Variants in CDH20 observed in about 807,000 individuals in gnomAD.
CDH20 encodes cadherin 20, also known as cadherin-20.
Under a neutral mutation model 74.2 loss-of-function variants are expected in CDH20, and 29 were observed. The ratio of observed to expected loss-of-function variants is 0.39; its 90% confidence interval spans 0.29 to 0.53. CDH20 has a LOEUF of 0.53. Ranked by LOEUF, CDH20 falls within the 20% of genes least tolerant of loss-of-function variation. The probability of loss-of-function intolerance (pLI) is 0.69; values close to 1 mark genes in which losing one functional copy is unlikely to be tolerated. For synonymous variants in CDH20, 469 were observed against 405.4 expected (o/e 1.16, Z -1.88); for missense variants, 988 against 1,048.3 (o/e 0.94, Z 0.79).
chr18:61,482,209 A>T (rs573407711), intron 1 of CDH20, among the ~76,000 whole-genome samples: 1 of 152,276 alleles, frequency 6.6e-6, no homozygotes, highest in African/African-American at 2.4e-5. Flanking sequence ...GTGTGGACGA[A>T]AAAGAGAAAG....
intron 1 of CDH20, among the ~76,000 whole-genome samples, chr18:61,455,895 A>G (rs1275374180): frequency 6.6e-6 from 1 of 152,234 alleles, no homozygotes; most frequent in Non-Finnish European, 1.5e-5. Context: ...AATATTTGTT[A>G]TCTAAATTGT....
chr18:61,526,612 A>G (rs1006779187), intron 6 of CDH20, among the ~76,000 whole-genome samples: 1 of 152,208 alleles, frequency 6.6e-6, no homozygotes, highest in Non-Finnish European at 1.5e-5. Context: ...ACACATGTTC[A>G]TCAGCTTTAA....
intron 1 of CDH20, among the ~76,000 whole-genome samples, chr18:61,396,393 C>T (rs996560617): frequency 6.6e-6 from 1 of 151,852 alleles, no homozygotes; most frequent in African/African-American, 2.4e-5. Flanking sequence ...TGGGTACCTT[C>T]ACCTGTTCAT....
chr18:61,440,736 C>G (rs1909001327), intron 1 of CDH20, among the ~76,000 whole-genome samples: 1 of 152,140 alleles, frequency 6.6e-6, no homozygotes, highest in Non-Finnish European at 1.5e-5. Flanking sequence ...CATGGTCTCT[C>G]CCCTTCAACA....
At chr18:61,394,887 C>A (rs370315817) in intron 1 of CDH20, among the ~76,000 whole-genome samples, 3 of 151,816 alleles carry the variant, frequency 2.0e-5, no homozygotes, top group African/African-American at 4.8e-5. Flanking sequence ...TCCTGCTTGG[C>A]CTTGGGGTAT....
intron 6 of CDH20, among the ~76,000 whole-genome samples, chr18:61,518,846 C>T (rs944006489): frequency 6.6e-6 from 1 of 151,244 alleles, no homozygotes; most frequent in African/African-American, 2.5e-5. Flanking sequence ...CATGTTCTAA[C>T]ACAATGCAAG....
At chr18:61,403,856 T>G (rs1040956329) in intron 1 of CDH20, among the ~76,000 whole-genome samples, 4 of 152,188 alleles carry the variant, frequency 2.6e-5, no homozygotes, top group African/African-American at 4.8e-5. Context: ...AATGACAGAC[T>G]GGATAAAGAA....
Position 61,432,337 on chromosome 18 carries a change from T to A in CDH20, c.-152-58065T>A, listed in dbSNP as rs1338659213. On this transcript the variant is annotated intron_variant, in intron 1 of 11. Coordinates refer to ENST00000262717, the MANE Select transcript of CDH20 (RefSeq NM_031891.4). ...TGACCAGCATGCTTTTCGTCTGTTCTCCCACACATATTTCCCAGCACCCCA... is the reference window on the plus strand; with the variant it reads ...TGACCAGCATGCTTTTCGTCTGTTCACCCACACATATTTCCCAGCACCCCA... Among the ~76,000 whole-genome samples the A allele has an allele frequency of 1.3e-5, 2 of 151,424 alleles. 1 individual carries two copies. Among genetic ancestry groups the A allele is most frequent in the East Asian group, 3.9e-4 (2 of 5,140 alleles).
At chr18:61,519,701 A>T (rs1912122347) in intron 6 of CDH20, among the ~76,000 whole-genome samples, 1 of 151,248 alleles carries the variant, frequency 6.6e-6, no homozygotes, top group Non-Finnish European at 1.5e-5. Flanking sequence ...CACTATGAAG[A>T]AACTGCAACA....
chr18:61,393,151 G>A (rs529978828), intron 1 of CDH20, among the ~76,000 whole-genome samples: 1 of 152,168 alleles, frequency 6.6e-6, no homozygotes, highest in East Asian at 1.9e-4. Context: ...ACTCTCTGTT[G>A]CCATGTTCCT....
chr18:61,378,294 G>A (rs970339059), intron 1 of CDH20, among the ~76,000 whole-genome samples: 2 of 152,172 alleles, frequency 1.3e-5, no homozygotes, highest in African/African-American at 4.8e-5. Flanking sequence ...ATCTGAGCCT[G>A]AGAAGTCTCA....
intron 1 of CDH20, among the ~76,000 whole-genome samples, chr18:61,463,859 T>C (rs1909866468): frequency 6.6e-6 from 1 of 152,072 alleles, no homozygotes; most frequent in Non-Finnish European, 1.5e-5. Flanking sequence ...CCTGGACCAA[T>C]GGGAAAATAT....
intron 10 of CDH20, 108 bp downstream of exon 10, chr18:61,545,252 C>G: frequency 1.3e-6 from 1 of 752,482 alleles, no homozygotes; most frequent in Non-Finnish European, 2.4e-6. Flanking sequence ...TCCATACCAG[C>G]AGGGAGGATG....
chr18:61,503,139 A>T lies in CDH20; in HGVS notation c.829+19A>T. 1 of 1,574,858 alleles carries T rather than the reference A, an allele frequency of 6.3e-7. No individual in the cohort carries two copies. Among genetic ancestry groups the T allele is most frequent in the Non-Finnish European group, 8.6e-7 (1 of 1,161,078 alleles). On this transcript the variant is annotated intron_variant, in intron 5 of 11. Transcript: ENST00000262717. ...CCCCAGAGTGAGTACCTAACCCAAG[A>T]GAGCACAGACCTCGGGCCCAGAGGG...
chr18:61,337,986 A>G (rs1204219451), intron 1 of CDH20, among the ~76,000 whole-genome samples: 1 of 152,248 alleles, frequency 6.6e-6, no homozygotes, highest in Non-Finnish European at 1.5e-5. Context: ...AATATAACAT[A>G]ACTGTATAAC....
At chr18:61,356,580 G>C (rs1248611823) in intron 1 of CDH20, among the ~76,000 whole-genome samples, 2 of 152,096 alleles carry the variant, frequency 1.3e-5, no homozygotes, top group African/African-American at 4.8e-5. Context: ...ATTTTACTTT[G>C]GTTCTTATTT....
intron 1 of CDH20, among the ~76,000 whole-genome samples, chr18:61,358,031 C>T (rs1355509765): frequency 6.6e-6 from 1 of 152,102 alleles, no homozygotes; most frequent in Non-Finnish European, 1.5e-5. Flanking sequence ...TCAATTCCTA[C>T]AGGAGGCCTT....
At chr18:61,439,191 G>A (rs933346089) in intron 1 of CDH20, among the ~76,000 whole-genome samples, 1 of 151,996 alleles carries the variant, frequency 6.6e-6, no homozygotes. Flanking sequence ...TGTACCCCAA[G>A]CCTCAGCATA....
chr18:61,519,042 T>A (rs529534513), intron 6 of CDH20, among the ~76,000 whole-genome samples: 1 of 150,886 alleles, frequency 6.6e-6, no homozygotes, highest in Admixed American at 6.6e-5. Context: ...ATCAACTTAA[T>A]GAAAAAAGCA....
Sources: gnomAD v4.1 joint callset for allele counts (sites outside exome capture counted in the v4.1 genomes callset) on GRCh38, gnomAD v4.1.1 for gene constraint, MANE v1.5 for transcripts, NCBI Gene and HGNC (gene_info 2026-07-23, HGNC 2026-07-21) for gene names.